RYR2: variants seen among roughly 807,000 people sequenced by gnomAD.
The protein encoded by RYR2 is ryanodine receptor 2.
A neutral mutation model predicts 601.1 loss-of-function variants in RYR2; 227 were observed. The ratio of observed to expected loss-of-function variants is 0.38; its 90% CI spans 0.34 to 0.42. RYR2 has a LOEUF of 0.42. Ranked by LOEUF, RYR2 falls within the 10% of genes least tolerant of loss-of-function variation. The pLI is 1.00. For missense variants in RYR2, 4,646 were observed against 6,156.5 expected (o/e 0.75, Z 8.21); for synonymous variants, 2,223 against 2,175.1 (o/e 1.02, Z -0.61).
At chr1:237,216,375 T>G (rs1324994815) in intron 1 of RYR2, among the ~76,000 whole-genome samples, 2 of 152,128 alleles carry the variant, frequency 1.3e-5, no homozygotes, top group Non-Finnish European at 2.9e-5. Flanking sequence ...ATCATGAATT[T>G]TATTAAATCT....
intron 1 of RYR2, among the ~76,000 whole-genome samples, chr1:237,111,680 T>C (rs575722087): frequency 1.3e-5 from 2 of 150,894 alleles, no homozygotes; most frequent in African/African-American, 4.9e-5. Flanking sequence ...AAAGAAAATA[T>C]CCAGTGGAAA....
At chr1:237,350,018 AC>A (rs1346019235) in intron 3 of RYR2, among the ~76,000 whole-genome samples, 1 of 152,158 alleles carries the variant, frequency 6.6e-6, no homozygotes, top group African/African-American at 2.4e-5. Flanking sequence ...AGAACATGAG[AC>A]CAATATAATA....
At chr1:237,135,257 T>TA (rs1434142922) in intron 1 of RYR2, among the ~76,000 whole-genome samples, 2 of 152,110 alleles carry the variant, frequency 1.3e-5, no homozygotes, top group African/African-American at 2.4e-5. Context: ...ATGAGGCAAG[T>TA]AAAAAAAGTC....
intron 16 of RYR2, among the ~76,000 whole-genome samples, chr1:237,465,113 C>T (rs1242582202): frequency 6.8e-6 from 1 of 147,488 alleles, no homozygotes; most frequent in East Asian, 2.0e-4. Flanking sequence ...CACACACACA[C>T]GCATGCATGC....
intron 1 of RYR2, among the ~76,000 whole-genome samples, chr1:237,262,245 G>GTTTTTTTTT (rs386370106): frequency 0.027 from 1,675 of 61,004 alleles, 284 homozygotes; most frequent in Middle Eastern, 0.087. Flanking sequence ...GTTCTAAAGA[G>GTTTTTTTTT]TTTTTTTTTT....
chr1:237,556,276 A>T (rs1217228969), intron 27 of RYR2, among the ~76,000 whole-genome samples: 1 of 95,584 alleles, frequency 1.0e-5, no homozygotes, highest in Admixed American at 1.5e-4. Context: ...TCCATTTTTT[A>T]AAATATTATT....
intron 10 of RYR2, among the ~76,000 whole-genome samples, chr1:237,402,781 G>A (rs1407258091): frequency 1.3e-5 from 2 of 149,312 alleles, no homozygotes; most frequent in Non-Finnish European, 3.0e-5. Context: ...ATGTGGTGGT[G>A]CATGCCTATA....
chr1:237,683,580 A>C (rs1000672982), intron 62 of RYR2, among the ~76,000 whole-genome samples: 1 of 152,258 alleles, frequency 6.6e-6, no homozygotes, highest in Non-Finnish European at 1.5e-5. Context: ...AGATAACTAC[A>C]TAAATAAAAT....
chr1:237,193,165 T>TGCAAAAAAAAAAAAAAAAAAA (rs1402978522), intron 1 of RYR2, among the ~76,000 whole-genome samples: 1 of 2,750 alleles, frequency 3.6e-4, no homozygotes, highest in African/African-American at 6.2e-4. Flanking sequence ...CTGCTAAAAG[T>TGCAAAAAAAAAAAAAAAAAAA]ACAAAAAAAA....
chr1:237,310,779 T>A (rs1236895231), intron 2 of RYR2, among the ~76,000 whole-genome samples: 4 of 152,342 alleles, frequency 2.6e-5, no homozygotes, highest in Middle Eastern at 3.4e-3. Flanking sequence ...ATATTATTTT[T>A]ATCCAAAATA....
At chr1:237,690,612 A>G (rs1401842436) in intron 63 of RYR2, among the ~76,000 whole-genome samples, 1 of 152,228 alleles carries the variant, frequency 6.6e-6, no homozygotes, top group Non-Finnish European at 1.5e-5. Flanking sequence ...CTGGAATCCC[A>G]GCACTTTGGG....
At chr1:237,120,266 T>G (rs1670628036) in intron 1 of RYR2, among the ~76,000 whole-genome samples, 1 of 152,212 alleles carries the variant, frequency 6.6e-6, no homozygotes, top group Non-Finnish European at 1.5e-5. Context: ...TGTGAGCAAC[T>G]CTTCCTACAT....
At chr1:237,674,034 G>T in intron 58 of RYR2, 62 bp from the exon 59 acceptor site, 1 of 1,372,760 alleles carries the variant, frequency 7.3e-7, no homozygotes, top group South Asian at 1.3e-5. Context: ...TTATATATCT[G>T]TGTCTCATCT....
At chr1:237,687,654 T>C in intron 63 of RYR2, 150 bp downstream of exon 63, 3 of 666,116 alleles carry the variant, frequency 4.5e-6, no homozygotes, top group Non-Finnish European at 8.2e-6. Flanking sequence ...GTCCTCGAGG[T>C]TGTTCATAAA....
At chr1:237,365,010 G>C (rs1402335096) in intron 5 of RYR2, among the ~76,000 whole-genome samples, 2 of 152,146 alleles carry the variant, frequency 1.3e-5, no homozygotes, top group African/African-American at 4.8e-5. Flanking sequence ...GTCATCGAAG[G>C]AATATGTAAG....
intron 27 of RYR2, among the ~76,000 whole-genome samples, chr1:237,560,543 T>C (rs1671347940): frequency 6.6e-6 from 1 of 152,190 alleles, no homozygotes; most frequent in East Asian, 1.9e-4. Flanking sequence ...TGGTTTTCAA[T>C]ATGCTGTGGA....
Position 237,509,363 on chromosome 1 carries a change from A to G in RYR2, c.2719-2325A>G, listed in dbSNP as rs1282588850. ...TTCTAGATTAAGATATGTGCCTGTT[A>G]CTATGCTAATTTCATAAATTCATTA... is the stretch of plus-strand genomic sequence containing the variant. On this transcript the variant is annotated intron_variant, in intron 23 of 104. Transcript: ENST00000366574. 2.6e-5 allele frequency among the ~76,000 whole-genome samples: 4 copies of G among 152,242 alleles called. No homozygotes were observed. The East Asian group carries it at 7.7e-4, about 29-fold the overall frequency.
chr1:237,561,396 T>A (rs1348889346), intron 27 of RYR2, among the ~76,000 whole-genome samples: 8 of 152,050 alleles, frequency 5.3e-5, no homozygotes, highest in Admixed American at 5.2e-4. Context: ...GAGGAATCAG[T>A]AAAGGGAGAA....
chr1:237,087,993 T>C (rs1193730142), intron 1 of RYR2, among the ~76,000 whole-genome samples: 1 of 152,254 alleles, frequency 6.6e-6, no homozygotes, highest in African/African-American at 2.4e-5. Flanking sequence ...TGGCACCAGC[T>C]GAGAACTATG....
Sources: gnomAD v4.1 joint callset for allele counts (sites outside exome capture counted in the v4.1 genomes callset) on GRCh38, gnomAD v4.1.1 for gene constraint, MANE v1.5 for transcripts, NCBI Gene and HGNC (gene_info 2026-07-23, HGNC 2026-07-21) for gene names.